SPMIP2: variants seen among roughly 807,000 people sequenced by gnomAD.
SPMIP2 encodes sperm microtubule inner protein 2.
At chr4:158,917,267 A>G in the SPMIP2 span, among the ~76,000 whole-genome samples, 1 of 151,370 alleles carries the variant, frequency 6.6e-6, no homozygotes, top group Non-Finnish European at 1.5e-5. Flanking sequence ...TAATAGTTAT[A>G]ATACAAACAA....
At chr4:158,982,234 A>G in the SPMIP2 span, among the ~76,000 whole-genome samples, 2 of 152,200 alleles carry the variant, frequency 1.3e-5, no homozygotes, top group East Asian at 3.8e-4. Flanking sequence ...AAGTTCTTAG[A>G]CACCTTACAA....
the SPMIP2 span, among the ~76,000 whole-genome samples, chr4:158,957,693 G>A: frequency 6.6e-6 from 1 of 152,104 alleles, no homozygotes; most frequent in Non-Finnish European, 1.5e-5. Flanking sequence ...CCAAAATTCT[G>A]GGATTACAGG....
the SPMIP2 span, among the ~76,000 whole-genome samples, chr4:159,033,471 G>A: frequency 6.6e-6 from 1 of 152,084 alleles, no homozygotes; most frequent in Non-Finnish European, 1.5e-5. Flanking sequence ...AATTATTTAC[G>A]AGATTGTAGG....
At chr4:159,016,689 G>T in the SPMIP2 span, among the ~76,000 whole-genome samples, 2 of 152,170 alleles carry the variant, frequency 1.3e-5, no homozygotes, top group African/African-American at 4.8e-5. Flanking sequence ...GCTAAAAAAG[G>T]CTAAAGTGGG....
chr4:159,079,852 T>A, the SPMIP2 span, among the ~76,000 whole-genome samples: 1 of 152,122 alleles, frequency 6.6e-6, no homozygotes, highest in East Asian at 1.9e-4. Context: ...AGAGTGTTTT[T>A]AAAAAACACT....
the SPMIP2 span, among the ~76,000 whole-genome samples, chr4:158,977,674 G>T: frequency 7.1e-6 from 1 of 141,394 alleles, no homozygotes; most frequent in Non-Finnish European, 1.5e-5. Flanking sequence ...GAGAGCAGTG[G>T]CACAATCTCG....
At chr4:158,953,812 C>G in the SPMIP2 span, among the ~76,000 whole-genome samples, 3 of 152,286 alleles carry the variant, frequency 2.0e-5, no homozygotes, top group Admixed American at 6.5e-5. Context: ...AAATTTGGAG[C>G]TTTATAATTT....
chr4:158,988,326 G>T, the SPMIP2 span, among the ~76,000 whole-genome samples: 2 of 152,114 alleles, frequency 1.3e-5, no homozygotes, highest in Admixed American at 6.6e-5. Flanking sequence ...AAGAGGAGCT[G>T]GTACCATTCC....
chr4:159,071,975 C>G, the SPMIP2 span, among the ~76,000 whole-genome samples: 19 of 152,178 alleles, frequency 1.2e-4, no homozygotes, highest in Admixed American at 1.2e-3. Flanking sequence ...ATTTTTTCTT[C>G]TAAGTTCCAA....
At chr4:158,904,354 AATCT>A in the SPMIP2 span, 5 of 918,830 alleles carry the variant, frequency 5.4e-6, no homozygotes, top group African/African-American at 8.4e-5. Context: ...TTTAAATGAT[AATCT>A]ATCAAACTTA....
At chr4:158,991,360 T>C in the SPMIP2 span, among the ~76,000 whole-genome samples, 1 of 152,234 alleles carries the variant, frequency 6.6e-6, no homozygotes, top group Non-Finnish European at 1.5e-5. Flanking sequence ...CATCTTGTTC[T>C]TAAATCAGGG....
chr4:159,004,213 G>A, the SPMIP2 span, among the ~76,000 whole-genome samples: 2 of 149,866 alleles, frequency 1.3e-5, no homozygotes, highest in Non-Finnish European at 3.0e-5. Flanking sequence ...TAGAGACAGG[G>A]TTTTGCCATG....
At chr4:159,026,119 C>T in the SPMIP2 span, 8 of 288,854 alleles carry the variant, frequency 2.8e-5, no homozygotes, top group African/African-American at 1.1e-4. Context: ...CTCCTATGCC[C>T]ACCATGACCA....
At chr4:158,970,552 CAA>C in the SPMIP2 span, among the ~76,000 whole-genome samples, 1 of 132,134 alleles carries the variant, frequency 7.6e-6, no homozygotes, top group Non-Finnish European at 1.7e-5. Flanking sequence ...AAAAGAAAAA[CAA>C]AAAAAAAAGA....
At chr4:159,030,567 G>A in the SPMIP2 span, among the ~76,000 whole-genome samples, 3 of 151,778 alleles carry the variant, frequency 2.0e-5, no homozygotes, top group Admixed American at 2.0e-4. Flanking sequence ...TGCAATCTTG[G>A]CTCACTGCAA....
At chr4:159,055,525 G>C in the SPMIP2 span, among the ~76,000 whole-genome samples, 2 of 151,940 alleles carry the variant, frequency 1.3e-5, no homozygotes, top group Non-Finnish European at 2.9e-5. Context: ...CTGGGCAACC[G>C]GGCAAAACCG....
chr4:159,038,497 A>G, the SPMIP2 span: 1 of 152,066 alleles, frequency 6.6e-6, no homozygotes, highest in Non-Finnish European at 1.5e-5. Context: ...TCCATCCTAC[A>G]TTTTTTTAAA....
the SPMIP2 span, among the ~76,000 whole-genome samples, chr4:158,946,719 AGACT>A: frequency 6.6e-6 from 1 of 152,218 alleles, no homozygotes; most frequent in South Asian, 2.1e-4. Flanking sequence ...CATTTACCAA[AGACT>A]GACAGATATG....
chr4:159,075,733 A>G, the SPMIP2 span, among the ~76,000 whole-genome samples: 1 of 152,248 alleles, frequency 6.6e-6, no homozygotes, highest in Middle Eastern at 3.4e-3. Context: ...TTTAGATCCA[A>G]TTAAAATAGT....
Sources: gnomAD v4.1 joint callset for allele counts (sites outside exome capture counted in the v4.1 genomes callset) on GRCh38, gnomAD v4.1.1 for gene constraint, MANE v1.5 for transcripts, NCBI Gene and HGNC (gene_info 2026-07-23, HGNC 2026-07-21) for gene names.